The following TBC1D1 variants were observed in gnomAD, a reference collection of about 807,000 sequenced individuals.
TBC1D1 encodes the protein TBC1 (tre-2/USP6, BUB2, cdc16) domain family, member 1.
In TBC1D1, 89 loss-of-function variants were observed where a neutral mutation model predicts 125.6. The ratio of observed to expected loss-of-function variants is 0.71; its 90% confidence interval spans 0.60 to 0.85. The LOEUF (loss-of-function observed/expected upper bound fraction) is 0.85, where lower values mean the gene tolerates loss of function less well. TBC1D1 is among the 40% of genes least tolerant of loss of function. TBC1D1 has a pLI of 0.00. For missense variants in TBC1D1, 1,377 were observed against 1,469.2 expected (o/e 0.94, Z 1.03); for synonymous variants, 565 against 564.1 (o/e 1.00, Z -0.02).
intron 2 of TBC1D1, among the ~76,000 whole-genome samples, chr4:37,926,479 C>T (rs568354554): frequency 4.6e-5 from 7 of 152,280 alleles, no homozygotes; most frequent in African/African-American, 1.7e-4. Context: ...TGTCCAGGTA[C>T]CCTCGTTCAG....
rs748870275 is a variant in TBC1D1 at position 38,014,682 on chromosome 4, C to T, written c.591C>T (p.Ile197=). ...CGCCGGCCCTGATCGACGAGTGCAT[C>T]GAGAAGTTCAATCACGTCAGCGGCA... is the stretch of plus-strand genomic sequence containing the variant. Residue 197 remains isoleucine, a synonymous_variant, in exon 3 of 20, where the codon ATC becomes ATT. Transcript: ENST00000261439. This position sits in a 1 kb window ranked among gnomAD's most constrained non-coding sequence, Gnocchi z 5.1. 1.4e-5 allele frequency: 22 copies of T among 1,613,148 alleles called. No homozygotes were observed. Among genetic ancestry groups the T allele is most frequent in the Admixed American group, 6.7e-5 (4 of 60,032 alleles).
chr4:37,974,459 G>A (rs139108711), intron 2 of TBC1D1, among the ~76,000 whole-genome samples: 20 of 152,194 alleles, frequency 1.3e-4, no homozygotes, highest in African/African-American at 4.3e-4. Flanking sequence ...GGCTGGTCTC[G>A]AACTCCTGAG....
rs183237194 is a variant in TBC1D1 at position 37,932,747 on chromosome 4, T to A, written c.417+30235T>A. 5.8e-3 allele frequency among the ~76,000 whole-genome samples: 878 copies of A among 152,232 alleles called. 6 individuals carry two copies. Among genetic ancestry groups the A allele is most frequent in the African/African-American group, 0.02 (847 of 41,538 alleles). ...TCCCAAACAACTTCCACATAAAATA[T>A]AATTTTAAAAGCATTTTAGAACCTC... On this transcript the variant is annotated intron_variant, in intron 2 of 19. Coordinates refer to ENST00000261439, the MANE Select transcript of TBC1D1 (RefSeq NM_015173.4).
At chr4:38,047,938 T>A (rs1749798765) in intron 10 of TBC1D1, among the ~76,000 whole-genome samples, 1 of 152,144 alleles carries the variant, frequency 6.6e-6, no homozygotes, top group Non-Finnish European at 1.5e-5. Context: ...TTGCTTTTTA[T>A]TTTTCTCCAA....
intron 14 of TBC1D1, 41 bp downstream of exon 16, chr4:38,096,131 A>C: frequency 1.4e-5 from 22 of 1,539,100 alleles, no homozygotes; most frequent in Non-Finnish European, 1.9e-5. Context: ...CTCACCCCTC[A>C]TTGGTGATTG....
chr4:38,077,836 A>G (rs1469403947), intron 12 of TBC1D1, among the ~76,000 whole-genome samples: 1 of 152,106 alleles, frequency 6.6e-6, no homozygotes, highest in East Asian at 1.9e-4. Flanking sequence ...AGGGACTCGG[A>G]AGCACATGTT....
intron 12 of TBC1D1, among the ~76,000 whole-genome samples, chr4:38,059,367 A>G (rs949537205): frequency 6.6e-6 from 1 of 152,234 alleles, no homozygotes; most frequent in African/African-American, 2.4e-5. Context: ...CAGGTACTAC[A>G]TTGAAGGGAA....
intron 2 of TBC1D1, among the ~76,000 whole-genome samples, chr4:37,993,668 G>A (rs1256242097): frequency 3.3e-5 from 5 of 152,086 alleles, no homozygotes; most frequent in Non-Finnish European, 2.9e-5. Context: ...TGCAACCTCC[G>A]CCTCCCGGGT....
chr4:38,135,264 A>G (rs1288744548), intron 19 of TBC1D1, among the ~76,000 whole-genome samples: 1 of 152,260 alleles, frequency 6.6e-6, no homozygotes, highest in Non-Finnish European at 1.5e-5. Context: ...CCTGTTAAAT[A>G]CATGTGAACG....
chr4:38,055,754 C>G (rs1300955089), intron 12 of TBC1D1, among the ~76,000 whole-genome samples: 1 of 152,174 alleles, frequency 6.6e-6, no homozygotes, highest in African/African-American at 2.4e-5. Context: ...TCTCTCTTCC[C>G]CTGCCCCGTG....
intron 2 of TBC1D1, among the ~76,000 whole-genome samples, chr4:37,984,246 G>A (rs937456890): frequency 1.3e-5 from 2 of 152,116 alleles, no homozygotes; most frequent in African/African-American, 4.8e-5. Flanking sequence ...TTTTTGTGTG[G>A]ATATGAGTTT....
intron 2 of TBC1D1, among the ~76,000 whole-genome samples, chr4:37,914,109 C>T (rs913725876): frequency 6.6e-6 from 1 of 152,134 alleles, no homozygotes; most frequent in African/African-American, 2.4e-5. Flanking sequence ...ACTTGGTCTC[C>T]TACATTTCTC....
chr4:38,119,836 A>T, intron 17 of TBC1D1: 2 of 472,454 alleles, frequency 4.2e-6, no homozygotes, highest in Non-Finnish European at 5.5e-6. Context: ...AGAAAATTCT[A>T]CCAAGGCAAC....
At chr4:37,891,800 C>G (rs1449664469) in intron 1 of TBC1D1, among the ~76,000 whole-genome samples, 1 of 151,898 alleles carries the variant, frequency 6.6e-6, no homozygotes, top group Admixed American at 6.6e-5. Flanking sequence ...CGCAACATTT[C>G]TTTCTATGGG....
intron 2 of TBC1D1, among the ~76,000 whole-genome samples, chr4:37,987,272 G>A (rs573308265): frequency 6.6e-6 from 1 of 151,614 alleles, no homozygotes; most frequent in East Asian, 1.9e-4. Context: ...TGGCAGTAGT[G>A]GTATTATTTC....
chr4:37,981,831 GTA>G (rs1734388205), intron 2 of TBC1D1, among the ~76,000 whole-genome samples: 1 of 152,190 alleles, frequency 6.6e-6, no homozygotes, highest in African/African-American at 2.4e-5. Flanking sequence ...GTCAGCTGAT[GTA>G]TATTTCGGAT....
In TBC1D1 at chr4:38,060,083, C is replaced by T. The variant is rs574797411; in HGVS notation, c.2050+5745C>T. Among the ~76,000 whole-genome samples, 4 of 152,320 alleles carry T rather than the reference C, an allele frequency of 2.6e-5. No individual in the cohort carries two copies. The South Asian group carries it at 8.3e-4, about 32-fold the overall frequency. On this transcript the variant is annotated intron_variant, in intron 12 of 19. Coordinates refer to ENST00000261439, the MANE Select transcript of TBC1D1 (RefSeq NM_015173.4). ...TTCATTTTTATGGCTGCATAGTAGT[C>T]CATGGTGTATATGTACCACATTTTC...
In TBC1D1 at chr4:37,960,967, T is replaced by C. The variant is rs753443720; in HGVS notation, c.418-53542T>C. On this transcript the variant is annotated intron_variant, in intron 2 of 19. Coordinates refer to ENST00000261439, the MANE Select transcript of TBC1D1 (RefSeq NM_015173.4). ...CCCTCTCCACCATGGGAATGCAATC[T>C]GTTTGCAGTCTCCTTCAAGCATTCT... is the stretch of plus-strand genomic sequence containing the variant. 13 of 1,614,064 alleles carry C rather than the reference T, an allele frequency of 8.1e-6. No homozygotes were observed. The highest frequency in any genetic ancestry group is 1.0e-5 in the Non-Finnish European group (12 of 1,180,034).
intron 2 of TBC1D1, chr4:38,006,722 G>T (rs182093966): frequency 2.2e-5 from 8 of 361,588 alleles, no homozygotes; most frequent in Middle Eastern, 1.1e-3. Context: ...CTTGTGATCC[G>T]CCCACCTTGG....
Sources: gnomAD v4.1 joint callset for allele counts (sites outside exome capture counted in the v4.1 genomes callset) on GRCh38, gnomAD v4.1.1 for gene constraint, Gnocchi (gnomAD v3.1) non-coding constraint, MANE v1.5 for transcripts, NCBI Gene and HGNC (gene_info 2026-07-23, HGNC 2026-07-21) for gene names.